MYO5B: variants seen among roughly 807,000 people sequenced by gnomAD.
The protein encoded by MYO5B is myosin VB, also known as unconventional myosin-Vb.
Under a neutral mutation model 229.3 loss-of-function variants are expected in MYO5B, and 143 were observed. The observed-to-expected ratio is 0.62, with a 90% confidence interval of 0.54 to 0.72. MYO5B has a LOEUF of 0.72. MYO5B is among the 30% of genes least tolerant of loss of function. MYO5B has a pLI of 0.00. For synonymous variants in MYO5B, 918 were observed against 885.2 expected, an observed-to-expected ratio of 1.04 and a Z score of -0.66; for missense variants, 2,321 against 2,331.0, an observed-to-expected ratio of 1.00 and a Z score of 0.09.
At chr18:49,870,667 C>T (rs1344791607) in intron 27 of MYO5B, among the ~76,000 whole-genome samples, 4 of 152,100 alleles carry the variant, frequency 2.6e-5, no homozygotes, top group Non-Finnish European at 1.5e-5. Context: ...CCAATCAACA[C>T]ATGAGAAGAT....
chr18:50,094,795 G>A (rs1177059410), intron 1 of MYO5B, among the ~76,000 whole-genome samples: 1 of 152,016 alleles, frequency 6.6e-6, no homozygotes, highest in Non-Finnish European at 1.5e-5. Context: ...ACTGAAACCA[G>A]GATCTATTGC....
At chr18:49,949,719 C>T (rs1260734364) in intron 14 of MYO5B, among the ~76,000 whole-genome samples, 1 of 152,040 alleles carries the variant, frequency 6.6e-6, no homozygotes, top group East Asian at 1.9e-4. Context: ...TATGAATTTA[C>T]AAACAGGATT....
rs1315378123 is a variant in MYO5B at position 50,001,320 on chromosome 18, C to A, written c.547G>T (p.Val183Phe). The change falls in exon 5 of 40, where the codon GTT becomes TTT. Residue 183 changes from valine to phenylalanine, a missense_variant. This residue lies in a region of MYO5B where 2,113 missense variants were observed against 2,044.7 expected (regional missense o/e 1.03). Transcript: ENST00000285039. ...AKYAMRYFAT[V>F]GGSASETNIE... ...TTGGTTTCACTGGCCGAGCCACCAA[C>A]GGTGGCGAAATAGCGCATGGCATAC... 1 of 1,614,166 alleles carries A rather than the reference C, an allele frequency of 6.2e-7. No individual in the cohort carries two copies.
intron 27 of MYO5B, among the ~76,000 whole-genome samples, chr18:49,870,859 T>C (rs1416651529): frequency 6.6e-6 from 1 of 152,218 alleles, no homozygotes; most frequent in East Asian, 1.9e-4. Context: ...TGTAAAATGG[T>C]GCAGCTGCTA....
chr18:50,005,380 T>C (rs1447590560), intron 4 of MYO5B, among the ~76,000 whole-genome samples: 1 of 152,138 alleles, frequency 6.6e-6, no homozygotes, highest in Non-Finnish European at 1.5e-5. Flanking sequence ...CCCCATCTTA[T>C]ATATTTGCTG....
chr18:49,934,637 C>T (rs932572339), intron 16 of MYO5B, among the ~76,000 whole-genome samples: 5 of 152,222 alleles, frequency 3.3e-5, no homozygotes, highest in Admixed American at 1.3e-4. Context: ...ACACACACTA[C>T]GCTTCTAACA....
At chr18:50,036,400 T>C (rs1394354941) in intron 4 of MYO5B, among the ~76,000 whole-genome samples, 1 of 152,242 alleles carries the variant, frequency 6.6e-6, no homozygotes, top group Non-Finnish European at 1.5e-5. Flanking sequence ...AACTTCAATT[T>C]CTGCCCTTAC....
intron 1 of MYO5B, among the ~76,000 whole-genome samples, chr18:50,095,407 C>T (rs1384146970): frequency 6.6e-6 from 1 of 152,214 alleles, no homozygotes; most frequent in Non-Finnish European, 1.5e-5. Context: ...GAAGCAAGAT[C>T]TCATAAAACT....
At chr18:50,173,539 G>A (rs1387903677) in intron 1 of MYO5B, among the ~76,000 whole-genome samples, 4 of 152,244 alleles carry the variant, frequency 2.6e-5, no homozygotes, top group African/African-American at 9.6e-5. Context: ...AAGGGAGTCA[G>A]TTGGAAAACA....
chr18:50,065,756 C>G (rs1229511628), intron 1 of MYO5B, among the ~76,000 whole-genome samples: 1 of 152,160 alleles, frequency 6.6e-6, no homozygotes, highest in Non-Finnish European at 1.5e-5. Flanking sequence ...CCGACATTCA[C>G]AGCATGTGAC....
chr18:49,927,219 A>G (rs1436301924), intron 17 of MYO5B, among the ~76,000 whole-genome samples: 3 of 152,210 alleles, frequency 2.0e-5, no homozygotes, highest in Non-Finnish European at 4.4e-5. Flanking sequence ...AAGAAATCAT[A>G]GATGACACAA....
intron 1 of MYO5B, among the ~76,000 whole-genome samples, chr18:50,121,716 C>T (rs1482398920): frequency 6.6e-6 from 1 of 152,116 alleles, no homozygotes; most frequent in African/African-American, 2.4e-5. Flanking sequence ...AGAAAAAGAC[C>T]CTATAGCCCC....
intron 1 of MYO5B, among the ~76,000 whole-genome samples, chr18:50,184,232 G>A (rs1485809462): frequency 6.6e-6 from 1 of 152,102 alleles, no homozygotes; most frequent in Admixed American, 6.5e-5. Flanking sequence ...GAAGCACCAG[G>A]ATGCACGTGG....
intron 1 of MYO5B, among the ~76,000 whole-genome samples, chr18:50,092,975 G>C (rs975022600): frequency 6.6e-6 from 1 of 152,044 alleles, no homozygotes; most frequent in Non-Finnish European, 1.5e-5. Context: ...AAAGCAAATG[G>C]CAGAAGAAAC....
At chr18:49,850,059 A>T (rs2024180479) in intron 31 of MYO5B, 2 of 331,102 alleles carry the variant, frequency 6.0e-6, no homozygotes, top group South Asian at 2.7e-5. Flanking sequence ...TGCAGGGGGC[A>T]GGGAGGTTGG....
At chr18:50,103,239 C>G (rs2031689131) in intron 1 of MYO5B, among the ~76,000 whole-genome samples, 1 of 152,236 alleles carries the variant, frequency 6.6e-6, no homozygotes, top group Admixed American at 6.5e-5. Context: ...TAGGTGCTGC[C>G]TAGCCATTCA....
At chr18:49,835,323 A>G in intron 39 of MYO5B, 21 bp downstream of exon 39, 1 of 1,573,554 alleles carries the variant, frequency 6.4e-7, no homozygotes, top group East Asian at 2.2e-5. Context: ...GACTTTATAA[A>G]ATTACTATCT....
chr18:50,000,528 G>A (rs1167140932), intron 5 of MYO5B, among the ~76,000 whole-genome samples: 2 of 152,198 alleles, frequency 1.3e-5, no homozygotes, highest in Admixed American at 1.3e-4. Context: ...CCATCAAAAT[G>A]AAGGTTTCAT....
At position 49,853,604 on chromosome 18, in the gene MYO5B, C is replaced by T; in HGVS notation, c.4066G>A (p.Glu1356Lys). Residue 1356 changes from glutamate to lysine, a missense_variant, in exon 31 of 40, where the codon GAG (glutamate) becomes AAG (lysine). By Grantham distance (56) the Glu-to-Lys change is moderately conservative. Around this residue, in one of 2 missense-constraint regions of MYO5B, gnomAD observed 2,113 missense variants for 2,044.7 expected, o/e 1.03. Transcript: ENST00000285039. ...TGAGCCTTGAGATGCTCCACCTCCT[C>T]CTCATGCTCCAGGCTCTGGGCCTGC... ...QLQAQSLEHE[E>K]EVEHLKAQLE... The T allele has an allele frequency of 1.2e-6, 2 of 1,614,058 alleles. No homozygotes were observed. The highest frequency in any genetic ancestry group is 1.7e-6 in the Non-Finnish European group (2 of 1,180,038).
Sources: gnomAD v4.1 joint callset for allele counts (sites outside exome capture counted in the v4.1 genomes callset) on GRCh38, gnomAD v4.1.1 for gene constraint, gnomAD v4.1.1 regional missense constraint, MANE v1.5 for transcripts, NCBI Gene and HGNC (gene_info 2026-07-23, HGNC 2026-07-21) for gene names.